The following ADAMTS3 variants were observed in gnomAD, a reference collection of about 807,000 sequenced individuals.
The protein encoded by ADAMTS3 is ADAM metallopeptidase with thrombospondin type 1 motif 3, also known as A disintegrin and metalloproteinase with thrombospondin motifs 3.
A neutral mutation model predicts 129.0 loss-of-function variants in ADAMTS3; 73 were observed. That is an observed-to-expected ratio of 0.57 (90% CI 0.47 to 0.69). The LOEUF is 0.69. ADAMTS3 is among the 30% of genes least tolerant of loss of function. ADAMTS3 has a pLI of 0.00. For synonymous variants in ADAMTS3, 477 were observed against 510.8 expected, an observed-to-expected ratio of 0.93 and a Z score of 0.89; for missense variants, 1,457 against 1,514.5, an observed-to-expected ratio of 0.96 and a Z score of 0.63.
intron 3 of ADAMTS3, among the ~76,000 whole-genome samples, chr4:72,532,491 GCACACACACA>G (rs35399046): frequency 4.7e-5 from 7 of 148,792 alleles, no homozygotes; most frequent in East Asian, 2.0e-4. Flanking sequence ...AATTTAATAT[GCACACACACA>G]CACACACACA....
At chr4:72,422,243 C>G (rs571089784) in intron 3 of ADAMTS3, among the ~76,000 whole-genome samples, 10 of 152,106 alleles carry the variant, frequency 6.6e-5, no homozygotes, top group Admixed American at 4.6e-4. Context: ...AAAGATGCAA[C>G]CATTTTTAAT....
At chr4:72,561,141 A>C (rs1721893285) in intron 2 of ADAMTS3, among the ~76,000 whole-genome samples, 1 of 152,108 alleles carries the variant, frequency 6.6e-6, no homozygotes, top group Non-Finnish European at 1.5e-5. Flanking sequence ...TCACAAGGTC[A>C]GGAGTTCAGG....
chr4:72,444,646 G>A (rs1480851079), intron 3 of ADAMTS3, among the ~76,000 whole-genome samples: 1 of 151,736 alleles, frequency 6.6e-6, no homozygotes, highest in African/African-American at 2.4e-5. Context: ...ACATAGAAAT[G>A]TCATACTTAA....
At chr4:72,423,440 T>C (rs1405901676) in intron 3 of ADAMTS3, among the ~76,000 whole-genome samples, 1 of 152,166 alleles carries the variant, frequency 6.6e-6, no homozygotes, top group Non-Finnish European at 1.5e-5. Flanking sequence ...AAAAACACAT[T>C]CTGTGAATCA....
At chr4:72,491,650 C>G (rs1053428314) in intron 3 of ADAMTS3, among the ~76,000 whole-genome samples, 2 of 151,700 alleles carry the variant, frequency 1.3e-5, no homozygotes, top group Non-Finnish European at 3.0e-5. Flanking sequence ...ATCCTTTTAT[C>G]ATGCTGTTGA....
intron 5 of ADAMTS3, 44 bp downstream of exon 5, chr4:72,339,450 T>C (rs1720074595): frequency 6.3e-7 from 1 of 1,590,408 alleles, no homozygotes; most frequent in African/African-American, 1.3e-5. Context: ...ATAAGAGAAG[T>C]GAATTAAAAG....
intron 16 of ADAMTS3, 88 bp from the exon 17 acceptor site, chr4:72,304,168 A>C: frequency 3.9e-6 from 5 of 1,267,858 alleles, no homozygotes; most frequent in Non-Finnish European, 5.5e-6. Flanking sequence ...CCTTTCTACA[A>C]ATCAATGACC....
intron 3 of ADAMTS3, among the ~76,000 whole-genome samples, chr4:72,471,678 C>T (rs1200087799): frequency 2.6e-5 from 4 of 151,922 alleles, no homozygotes; most frequent in African/African-American, 9.7e-5. Flanking sequence ...AAATTAAAAA[C>T]AATGCCATCT....
intron 3 of ADAMTS3, among the ~76,000 whole-genome samples, chr4:72,545,975 T>A (rs1721457317): frequency 6.6e-6 from 1 of 152,206 alleles, no homozygotes; most frequent in Non-Finnish European, 1.5e-5. Flanking sequence ...GCATATTGGC[T>A]CATATTTTTT....
At chr4:72,436,955 T>C (rs1057461224) in intron 3 of ADAMTS3, among the ~76,000 whole-genome samples, 1 of 151,960 alleles carries the variant, frequency 6.6e-6, no homozygotes. Context: ...TGTATACATA[T>C]GTAACAAACC....
chr4:72,419,746 G>C (rs372721851), intron 3 of ADAMTS3, among the ~76,000 whole-genome samples: 4 of 152,054 alleles, frequency 2.6e-5, no homozygotes, highest in African/African-American at 9.7e-5. Context: ...AAAAACTCCT[G>C]GCACACATGT....
At chr4:72,369,790 C>T (rs1476962819) in intron 4 of ADAMTS3, among the ~76,000 whole-genome samples, 1 of 148,792 alleles carries the variant, frequency 6.7e-6, no homozygotes, top group Non-Finnish European at 1.5e-5. Context: ...TGTTAGAGAA[C>T]TGCTAAGATA....
At chr4:72,351,509 A>G (rs533680286) in intron 4 of ADAMTS3, among the ~76,000 whole-genome samples, 1 of 151,644 alleles carries the variant, frequency 6.6e-6, no homozygotes, top group Admixed American at 6.6e-5. Context: ...ACACAGTATC[A>G]TATGTAAGAA....
intron 4 of ADAMTS3, among the ~76,000 whole-genome samples, chr4:72,388,489 A>G (rs1172837904): frequency 2.0e-5 from 3 of 152,136 alleles, no homozygotes; most frequent in Non-Finnish European, 1.5e-5. Flanking sequence ...TGCTTTCTCA[A>G]TGCATTTTCT....
intron 3 of ADAMTS3, among the ~76,000 whole-genome samples, chr4:72,465,644 G>C (rs564204884): frequency 1.3e-5 from 2 of 152,114 alleles, no homozygotes; most frequent in East Asian, 1.9e-4. Context: ...TTTGGGTGCA[G>C]GACAGGGGTT....
chr4:72,420,955 G>A (rs754096157), intron 3 of ADAMTS3, among the ~76,000 whole-genome samples: 15 of 152,080 alleles, frequency 9.9e-5, no homozygotes, highest in Non-Finnish European at 1.6e-4. Flanking sequence ...AGTCATAACC[G>A]CAATGGATTT....
chr4:72,477,821 A>G (rs962559767), intron 3 of ADAMTS3, among the ~76,000 whole-genome samples: 2 of 152,194 alleles, frequency 1.3e-5, no homozygotes, highest in Non-Finnish European at 2.9e-5. Flanking sequence ...AAAAAGTGAG[A>G]AGAATCAAAT....
intron 3 of ADAMTS3, among the ~76,000 whole-genome samples, chr4:72,489,503 T>G (rs1217613875): frequency 6.6e-6 from 1 of 151,972 alleles, no homozygotes; most frequent in Non-Finnish European, 1.5e-5. Context: ...CACTTGTTAA[T>G]CATCAACATC....
chr4:72,541,929 T>A (rs10027494), intron 3 of ADAMTS3, among the ~76,000 whole-genome samples: 46,853 of 152,116 alleles, frequency 0.31, 7,329 homozygotes, highest in Middle Eastern at 0.34. Flanking sequence ...ACTCTGTGTA[T>A]GTATTCATAT....
Sources: gnomAD v4.1 joint callset for allele counts (sites outside exome capture counted in the v4.1 genomes callset) on GRCh38, gnomAD v4.1.1 for gene constraint, MANE v1.5 for transcripts, NCBI Gene and HGNC (gene_info 2026-07-23, HGNC 2026-07-21) for gene names.